TENM4: variants seen among roughly 807,000 people sequenced by gnomAD.
TENM4 encodes the protein teneurin transmembrane protein 4, also known as teneurin-4.
Under a neutral mutation model 243.3 loss-of-function variants are expected in TENM4, and 82 were observed. The observed-to-expected ratio is 0.34, with a 90% CI of 0.28 to 0.40. The LOEUF is 0.40. Ranked by LOEUF, TENM4 falls within the 10% of genes least tolerant of loss-of-function variation. TENM4 has a pLI of 1.00. For synonymous variants in TENM4, 1,412 were observed against 1,456.3 expected (o/e 0.97, Z 0.69); for missense variants, 3,138 against 3,673.3 (o/e 0.85, Z 3.77).
intron 6 of TENM4, among the ~76,000 whole-genome samples, chr11:79,034,316 C>CT (rs1053513909): frequency 2.6e-5 from 4 of 152,220 alleles, no homozygotes; most frequent in Non-Finnish European, 5.9e-5. Context: ...AGTTCACTGT[C>CT]TTTCCTTTCC....
chr11:78,710,577 C>G (rs963329861), intron 26 of TENM4, among the ~76,000 whole-genome samples: 46 of 152,324 alleles, frequency 3.0e-4, no homozygotes, highest in African/African-American at 1.0e-3. Flanking sequence ...CTAGCTATGC[C>G]CCATCTTTCT....
At chr11:78,702,554 C>G (rs1015984793) in intron 27 of TENM4, among the ~76,000 whole-genome samples, 151 bp from the exon 28 acceptor site, 9 of 152,206 alleles carry the variant, frequency 5.9e-5, no homozygotes, top group Non-Finnish European at 8.8e-5. Context: ...AATGAAGCGT[C>G]AGCCCCCTGA....
At chr11:78,720,288 T>C (rs1590965729) in intron 25 of TENM4, 82 bp downstream of exon 25, 8 of 1,506,590 alleles carry the variant, frequency 5.3e-6, no homozygotes, top group Middle Eastern at 1.7e-4. Context: ...CATACAGCCA[T>C]TTGAAATTGA....
At chr11:78,735,526 G>C (rs1855766154) in intron 20 of TENM4, among the ~76,000 whole-genome samples, 1 of 152,204 alleles carries the variant, frequency 6.6e-6, no homozygotes. Flanking sequence ...GGGGCAGCTG[G>C]CCTTGCCAAG....
At chr11:79,187,876 T>C (rs1199664763) in intron 3 of TENM4, among the ~76,000 whole-genome samples, 2 of 152,196 alleles carry the variant, frequency 1.3e-5, no homozygotes, top group African/African-American at 4.8e-5. Context: ...CACCTTGATT[T>C]TGGACTTCCA....
rs1859488910 is a variant in TENM4, at chr11:79,040,346, T to C, written c.493+24392A>G. 2.0e-5 allele frequency among the ~76,000 whole-genome samples: 3 copies of C among 152,136 alleles called. No individual in the cohort carries two copies. In the South Asian group the frequency reaches 6.2e-4, roughly 31 times the overall value. Reference sequence around the variant, plus strand: ...AGCTCAGTTTCAACCACTATTCCCCTCTCCTTCTTCCTCACTGACTGCCTT... The same window carrying C: ...AGCTCAGTTTCAACCACTATTCCCCCCTCCTTCTTCCTCACTGACTGCCTT... On this transcript the variant is annotated intron_variant, in intron 6 of 33. Transcript: ENST00000278550.
intron 6 of TENM4, among the ~76,000 whole-genome samples, chr11:78,981,699 C>T (rs118100747): frequency 6.6e-6 from 1 of 152,246 alleles, no homozygotes; most frequent in Non-Finnish European, 1.5e-5. Context: ...GGACTTCTTG[C>T]TAAATGAGAT....
chr11:79,120,317 G>A (rs558467495), intron 4 of TENM4, among the ~76,000 whole-genome samples: 3 of 152,328 alleles, frequency 2.0e-5, no homozygotes, highest in South Asian at 4.1e-4. Context: ...AGTAACACCT[G>A]TACTCACTTA....
chr11:79,237,631 C>T (rs1026043078), intron 2 of TENM4, among the ~76,000 whole-genome samples: 6 of 152,094 alleles, frequency 3.9e-5, no homozygotes, highest in South Asian at 2.1e-4. Context: ...GAGCCAAGTT[C>T]GTACCACTGC....
chr11:79,390,725 G>A (rs1375514380), intron 1 of TENM4, among the ~76,000 whole-genome samples: 1 of 152,200 alleles, frequency 6.6e-6, no homozygotes, highest in Non-Finnish European at 1.5e-5. Flanking sequence ...CTGAAGGCCA[G>A]TATCTGTGAC....
chr11:78,814,223 T>G lies in TENM4; in HGVS notation c.1783+71A>C, dbSNP rs1591043332. 15 of 1,438,312 alleles carry G rather than the reference T, an allele frequency of 1.0e-5. No individual in the cohort carries two copies. In the East Asian group the frequency reaches 3.5e-4, roughly 34 times the overall value. The allele number at this position is 1,438,312 out of a possible 1,614,324, so 89.1% of individuals were successfully genotyped here. On this transcript the variant is annotated intron_variant, in intron 13 of 33. Coordinates refer to ENST00000278550, the MANE Select transcript of TENM4 (RefSeq NM_001098816.3). Reference sequence around the variant, plus strand: ...GGTGGGCTGGATTCTGCACTTGCTCTGAGAAGTAGAAGTGAGCTGCCTGAG... The same window carrying G: ...GGTGGGCTGGATTCTGCACTTGCTCGGAGAAGTAGAAGTGAGCTGCCTGAG...
At chr11:79,001,986 C>A (rs1275438526) in intron 6 of TENM4, among the ~76,000 whole-genome samples, 2 of 152,172 alleles carry the variant, frequency 1.3e-5, no homozygotes, top group African/African-American at 4.8e-5. Context: ...CTCCCCATCT[C>A]CCCTGCTTTT....
At position 79,244,267 on chromosome 11, in the gene TENM4, G is replaced by T. The variant is rs1343618732; in HGVS notation, c.-264-28358C>A. ...CTACTAGACTGTGGCTCCACCGGGG[G>T]TGAGCAGGGAGCAGTTCTCGGCCTG... On this transcript the variant is annotated intron_variant, in intron 2 of 33. Coordinates refer to ENST00000278550, the MANE Select transcript of TENM4 (RefSeq NM_001098816.3). Among the ~76,000 whole-genome samples the T allele has an allele frequency of 2.0e-5, 3 of 152,224 alleles. No homozygotes were observed. In the South Asian group the frequency reaches 6.2e-4, roughly 32 times the overall value.
intron 1 of TENM4, among the ~76,000 whole-genome samples, chr11:79,379,716 T>C (rs1448246235): frequency 1.4e-4 from 22 of 152,178 alleles, no homozygotes. Context: ...AGTGAGTAAG[T>C]GGCAGAGGCA....
At chr11:78,748,815 C>T (rs1856113763) in intron 19 of TENM4, among the ~76,000 whole-genome samples, 1 of 152,182 alleles carries the variant, frequency 6.6e-6, no homozygotes, top group Non-Finnish European at 1.5e-5. Flanking sequence ...GGTGTTAGTA[C>T]TGAACGCATG....
intron 2 of TENM4, among the ~76,000 whole-genome samples, chr11:79,249,962 C>G (rs1324777337): frequency 6.6e-6 from 1 of 152,194 alleles, no homozygotes; most frequent in African/African-American, 2.4e-5. Flanking sequence ...ATTCCCAGCA[C>G]ACTGCCTATT....
intron 1 of TENM4, among the ~76,000 whole-genome samples, chr11:79,434,452 C>T (rs1565345264): frequency 3.3e-5 from 5 of 152,046 alleles, no homozygotes; most frequent in East Asian, 1.9e-4. Flanking sequence ...ACACTCTTCT[C>T]GGAGGAACTA....
intron 1 of TENM4, among the ~76,000 whole-genome samples, chr11:79,404,663 G>C (rs1387419013): frequency 1.3e-5 from 2 of 152,156 alleles, no homozygotes; most frequent in African/African-American, 4.8e-5. Context: ...AGAATGTTGC[G>C]TGTGCTGAGC....
intron 4 of TENM4, among the ~76,000 whole-genome samples, chr11:79,135,598 C>G (rs1490958291): frequency 1.3e-5 from 2 of 151,500 alleles, no homozygotes; most frequent in Non-Finnish European, 2.9e-5. Context: ...GTAGAACCAG[C>G]CCAAATGCCC....
Sources: allele counts gnomAD v4.1 joint callset (sites outside exome capture counted in the v4.1 genomes callset), GRCh38; gene constraint gnomAD v4.1.1; transcripts MANE v1.5; gene names NCBI Gene and HGNC (gene_info 2026-07-23, HGNC 2026-07-21).